CEP57: variants seen among roughly 807,000 people sequenced by gnomAD.
The protein encoded by CEP57 is centrosomal protein 57, also known as centrosomal protein of 57 kDa.
A neutral mutation model predicts 68.0 loss-of-function variants in CEP57; 40 were observed. The observed-to-expected ratio is 0.59, with a 90% CI of 0.46 to 0.77. CEP57 has a LOEUF of 0.77. CEP57 is among the 30% of genes least tolerant of loss of function. The pLI is 0.00. For synonymous variants in CEP57, 219 were observed against 198.7 expected (o/e 1.10, Z -0.86); for missense variants, 606 against 580.7 (o/e 1.04, Z -0.45).
intron 8 of CEP57, among the ~76,000 whole-genome samples, chr11:95,824,373 T>C (rs1456715344): frequency 6.6e-6 from 1 of 152,036 alleles, no homozygotes; most frequent in Non-Finnish European, 1.5e-5. Context: ...TTTATGTGGA[T>C]GCAGGATTGC....
chr11:95,821,733 A>T, intron 6 of CEP57, 138 bp from the exon 7 acceptor site: 1 of 658,516 alleles, frequency 1.5e-6, no homozygotes, highest in Non-Finnish European at 2.8e-6. Context: ...TTGGTTCAAG[A>T]CATAGTTATA....
intron 8 of CEP57, among the ~76,000 whole-genome samples, chr11:95,824,005 TA>T (rs1272548785): frequency 6.8e-6 from 1 of 147,240 alleles, no homozygotes; most frequent in Non-Finnish European, 1.5e-5. Flanking sequence ...ATATGTACCA[TA>T]GATTGAGGTC....
intron 2 of CEP57, among the ~76,000 whole-genome samples, chr11:95,811,790 C>G (rs924752876): frequency 7.2e-5 from 11 of 152,078 alleles, no homozygotes; most frequent in African/African-American, 2.4e-4. Flanking sequence ...TGGAAAATAA[C>G]TAGGAGTAGC....
At chr11:95,822,743 G>C in intron 8 of CEP57, 167 bp downstream of exon 8, 1 of 614,832 alleles carries the variant, frequency 1.6e-6, no homozygotes. Context: ...TTGGGGATTA[G>C]GGAAGCAAGG....
rs548174915 is a variant in CEP57 at position 95,821,772 on chromosome 11, C to G, written c.700-99C>G. Reference sequence around the variant, plus strand: ...CTGTAATATGTTTTTCAGTTAGATACTACCATTGGTTTTTACAGGCTTTTT... The same window carrying G: ...CTGTAATATGTTTTTCAGTTAGATAGTACCATTGGTTTTTACAGGCTTTTT... On this transcript the variant is annotated intron_variant, in intron 6 of 10. Coordinates refer to ENST00000325542, the MANE Select transcript of CEP57 (RefSeq NM_014679.5). 49 of 777,280 alleles carry G rather than the reference C, an allele frequency of 6.3e-5. 1 individual carries two copies. The South Asian group carries it at 7.0e-4, about 11-fold the overall frequency. 48.1% of individuals were successfully genotyped at this position (777,280 alleles called of 1,614,324 possible). A position where few individuals can be genotyped will look rare whatever the true frequency, so the allele number is the denominator to read the frequency against.
chr11:95,808,271 T>C (rs985984340), intron 2 of CEP57, among the ~76,000 whole-genome samples: 18 of 151,206 alleles, frequency 1.2e-4, no homozygotes, highest in Non-Finnish European at 2.5e-4. Flanking sequence ...ACATGCCAAA[T>C]TGTAAAGACC....
chr11:95,790,324 C>T (rs1020655373), upstream of CEP57: 1 of 357,296 alleles, frequency 2.8e-6, no homozygotes, highest in Non-Finnish European at 5.2e-6. Context: ...GGAGGCCCGA[C>T]CCTCCGTAGA....
intron 4 of CEP57, chr11:95,815,285 A>C (rs1339798810): frequency 2.0e-5 from 3 of 152,176 alleles, no homozygotes; most frequent in Non-Finnish European, 4.4e-5. Context: ...CTTGTGTGTG[A>C]TAGGTCTCTT....
chr11:95,793,192 C>G (rs961266856), intron 1 of CEP57, among the ~76,000 whole-genome samples: 2 of 152,120 alleles, frequency 1.3e-5, no homozygotes, highest in African/African-American at 4.8e-5. Context: ...CAGTTAGGTT[C>G]TAGGTAACGT....
intron 1 of CEP57, among the ~76,000 whole-genome samples, chr11:95,797,936 T>A (rs1861419077): frequency 6.6e-6 from 1 of 152,218 alleles, no homozygotes; most frequent in Non-Finnish European, 1.5e-5. Flanking sequence ...CTCTGTGACA[T>A]TTAAAATTAA....
In CEP57 at chr11:95,827,807, G is replaced by T. The variant is rs141687902; in HGVS notation, c.907G>T (p.Val303Leu). The T allele has an allele frequency of 1.9e-6, 3 of 1,613,884 alleles. No homozygotes were observed. The highest frequency in any genetic ancestry group is 2.7e-5 in the African/African-American group (2 of 74,894). ...TTAGTCCACAAGCCCTAGCCATGCC[G>T]TGGTAGCCAATGTTCAGCTTGTCTT... ...AGKSTSPSHAVVANVQLVLHL... is the reference protein window; with the variant it reads ...AGKSTSPSHALVANVQLVLHL... The change falls in exon 9 of 11, where the codon GTG becomes TTG. Residue 303 changes from valine to leucine, a missense_variant. Val to Leu is a conservative substitution (Grantham distance 32). Coordinates refer to ENST00000325542, the MANE Select transcript of CEP57 (RefSeq NM_014679.5).
At position 95,829,235 on chromosome 11, in the gene CEP57, A is replaced by G; in HGVS notation, c.1176A>G (p.Glu392=). Residue 392 remains glutamate, a synonymous_variant, in exon 10 of 11, where the codon GAA becomes GAG. Coordinates refer to ENST00000325542, the MANE Select transcript of CEP57 (RefSeq NM_014679.5). ...TTATCCAGGAGTCGCCAACCGTTGA[A>G]CTGAAAGACAAGTTGGAGTGTGAAT... The part of the protein sequence containing the change: ...AKLIQESPTV[E]LKDKLECELE... The G allele has an allele frequency of 1.2e-6, 2 of 1,614,086 alleles. No individual in the cohort carries two copies. The highest frequency in any genetic ancestry group is 1.7e-6 in the Non-Finnish European group (2 of 1,180,004).
intron 4 of CEP57, among the ~76,000 whole-genome samples, chr11:95,815,645 G>A (rs980848155): frequency 1.3e-5 from 2 of 152,082 alleles, no homozygotes; most frequent in African/African-American, 4.8e-5. Context: ...CTTTGGTTAG[G>A]CTTGATGGTT....
intron 4 of CEP57, among the ~76,000 whole-genome samples, chr11:95,817,331 A>T (rs375205955): frequency 6.6e-6 from 1 of 152,182 alleles, no homozygotes; most frequent in Non-Finnish European, 1.5e-5. Context: ...CAGCCACTGC[A>T]CTCTGGCCTG....
In CEP57 at chr11:95,790,556, A is replaced by C. The variant is rs1646160328; in HGVS notation, c.-143A>C. 4 of 982,548 alleles carry C rather than the reference A, an allele frequency of 4.1e-6. No homozygotes were observed. The highest frequency in any genetic ancestry group is 4.4e-5 in the Admixed American group (2 of 45,830). The allele number at this position is 982,548 out of a possible 1,614,324, so 60.9% of individuals were successfully genotyped here. A position where few individuals can be genotyped will look rare whatever the true frequency, so the allele number is the denominator to read the frequency against. ...GAGGGGGTGTGTTGCAGGGGTTTCC[A>C]AGCCCAGCACCAGCACCCTTGCCCT... On this transcript the variant is annotated 5_prime_UTR_variant, in exon 1 of 11. Coordinates refer to ENST00000325542, the MANE Select transcript of CEP57 (RefSeq NM_014679.5).
chr11:95,810,056 C>A (rs1204508495), intron 2 of CEP57, among the ~76,000 whole-genome samples: 1 of 152,172 alleles, frequency 6.6e-6, no homozygotes, highest in Non-Finnish European at 1.5e-5. Flanking sequence ...GTACACAAAT[C>A]AGTAAACGTA....
In CEP57 at chr11:95,798,924, T is replaced by G. The variant is rs530736527; in HGVS notation, c.46-308T>G. 7.9e-5 allele frequency among the ~76,000 whole-genome samples: 12 copies of G among 152,332 alleles called. No homozygotes were observed. The South Asian group carries it at 2.5e-3, about 32-fold the overall frequency. ...ATGTTTTTATTTTTCTGAACGTATA[T>G]TTCACAGTATATATTTTTAACTGCG... On this transcript the variant is annotated intron_variant, in intron 1 of 10. Coordinates refer to ENST00000325542, the MANE Select transcript of CEP57 (RefSeq NM_014679.5).
intron 2 of CEP57, among the ~76,000 whole-genome samples, chr11:95,801,020 G>A (rs531889898): frequency 2.0e-4 from 31 of 152,158 alleles, no homozygotes; most frequent in African/African-American, 7.2e-4. Context: ...AAATATTTTT[G>A]ACATCGTAGG....
chr11:95,804,370 T>G (rs1330855617), intron 2 of CEP57, among the ~76,000 whole-genome samples: 1 of 152,174 alleles, frequency 6.6e-6, no homozygotes, highest in Non-Finnish European at 1.5e-5. Flanking sequence ...AGGATGGAAC[T>G]AAAGCCTAAA....
Sources: gnomAD v4.1 joint callset for allele counts (sites outside exome capture counted in the v4.1 genomes callset) on GRCh38, gnomAD v4.1.1 for gene constraint, MANE v1.5 for transcripts, NCBI Gene and HGNC (gene_info 2026-07-23, HGNC 2026-07-21) for gene names.